Variants in MOB3A observed in about 807,000 individuals in gnomAD.
The protein encoded by MOB3A is MOB LAK.
In MOB3A, 17 loss-of-function variants were observed where a neutral mutation model predicts 17.8. The ratio of observed to expected loss-of-function variants is 0.95; its 90% CI spans 0.65 to 1.43. MOB3A has a LOEUF of 1.43. Ranked by LOEUF, MOB3A falls within the 40% of genes most tolerant of loss-of-function variation. The pLI, the probability that MOB3A is intolerant of heterozygous loss-of-function variation, is 0.00. For synonymous variants in MOB3A, 124 were observed against 133.2 expected (o/e 0.93, Z 0.48); for missense variants, 333 against 310.8 (o/e 1.07, Z -0.54).
At chr19:2,077,314 AT>A (rs2145719970) in intron 3 of MOB3A, among the ~76,000 whole-genome samples, 1 of 152,160 alleles carries the variant, frequency 6.6e-6, no homozygotes, top group South Asian at 2.1e-4. Context: ...AGGCAGAAGA[AT>A]CGCTTGAACC....
At chr19:2,077,125 G>A (rs373381997) in intron 3 of MOB3A, 112 bp from the exon 4 acceptor site, 1 of 936,960 alleles carries the variant, frequency 1.1e-6, no homozygotes. Context: ...GGCAGATCGG[G>A]CGCGGTGGCT....
chr19:2,074,027 T>C (rs1408719410), intron 4 of MOB3A, among the ~76,000 whole-genome samples: 1 of 151,062 alleles, frequency 6.6e-6, no homozygotes, highest in East Asian at 2.0e-4. Context: ...CGAGACTCTG[T>C]CTCAAAAAAG....
In MOB3A at chr19:2,073,404, C is replaced by T. The variant is rs2017364157; in HGVS notation, c.645G>A (p.Met215Ile). The T allele has an allele frequency of 3.1e-6, 5 of 1,613,644 alleles. No individual in the cohort carries two copies. The South Asian group carries it at 4.4e-5, about 14-fold the overall frequency. The change falls in exon 5 of 5, where the codon ATG becomes ATA. Residue 215 changes from methionine (M) to isoleucine (I), a missense_variant. Transcript: ENST00000357066. Reference sequence around the variant, plus strand: ...GAGACCCGCGGGGCTCTCAGTGGCACATCCGGGCGGTCATTTCTTTCTGTA... The same window carrying T: ...GAGACCCGCGGGGCTCTCAGTGGCATATCCGGGCGGTCATTTCTTTCTGTA... ...LEPLKEMTAR[M>I]CH
rs2017448583 is a variant in MOB3A at position 2,078,622 on chromosome 19, G to A, written c.-62C>T. On this transcript the variant is annotated 5_prime_UTR_variant, in exon 3 of 5. Coordinates refer to ENST00000357066, the MANE Select transcript of MOB3A (RefSeq NM_130807.3). ...GGTCCTGGGCCAGCTGGCTGGGGGT[G>A]CTGACCAACCCGAGAGGCCACGAAA... is the stretch of plus-strand genomic sequence containing the variant. The A allele has an allele frequency of 6.7e-7, 1 of 1,495,350 alleles. No homozygotes were observed. The highest frequency in any genetic ancestry group is 8.9e-7 in the Non-Finnish European group (1 of 1,117,434). The allele number at this position is 1,495,350 out of a possible 1,614,324, so 92.6% of individuals were successfully genotyped here.
intron 1 of MOB3A, chr19:2,090,117 C>T (rs986146520): frequency 2.6e-5 from 4 of 152,322 alleles, no homozygotes; most frequent in Non-Finnish European, 5.9e-5. Flanking sequence ...CCCAGAGCTC[C>T]GCAGCTGCCA....
chr19:2,090,730 C>T (rs372009067), intron 1 of MOB3A, among the ~76,000 whole-genome samples: 7 of 152,084 alleles, frequency 4.6e-5, no homozygotes, highest in African/African-American at 1.7e-4. Flanking sequence ...GTGGCGCGAT[C>T]TCGTCTCACT....
At position 2,071,065 on chromosome 19, in the gene MOB3A, C is replaced by G. The variant is rs561046760; in HGVS notation, c.*2330G>C. The G allele has an allele frequency of 2.6e-5, 4 of 152,212 alleles. No individual in the cohort carries two copies. In the East Asian group the frequency reaches 7.7e-4, roughly 29 times the overall value. 9.4% of individuals were successfully genotyped at this position (152,212 alleles called of 1,614,324 possible). A position where few individuals can be genotyped will look rare whatever the true frequency, so the allele number is the denominator to read the frequency against. ...GACGTCTGCGTCTGTAGTTTTATTC[C>G]GTATCTGGCTGGGGGAGGGTGGTCT... On this transcript the variant is annotated 3_prime_UTR_variant, in exon 5 of 5. Coordinates refer to ENST00000357066, the MANE Select transcript of MOB3A (RefSeq NM_130807.3).
At chr19:2,087,258 T>C (rs529386873) in intron 1 of MOB3A, among the ~76,000 whole-genome samples, 22 of 152,344 alleles carry the variant, frequency 1.4e-4, no homozygotes, top group African/African-American at 5.3e-4. Context: ...CGTTTTAACC[T>C]TTTCAGTTAC....
intron 2 of MOB3A, among the ~76,000 whole-genome samples, chr19:2,079,550 GCCA>G (rs1461446314): frequency 2.0e-5 from 3 of 152,222 alleles, no homozygotes. Flanking sequence ...CAGGATGCTG[GCCA>G]CCGCCAGGAG....
intron 1 of MOB3A, among the ~76,000 whole-genome samples, chr19:2,087,140 G>A (rs912700542): frequency 6.6e-6 from 1 of 152,218 alleles, no homozygotes; most frequent in Admixed American, 6.5e-5. Flanking sequence ...AGCAAGGCCT[G>A]CCCAGGCCCC....
In MOB3A at chr19:2,082,365, G is replaced by A. The variant is rs2017499916; in HGVS notation, c.-120+2810C>T. The stretch of plus-strand genomic sequence containing the variant: ...CCCTCCCTGCCAGGAGCTCCCCCAA[G>A]TTATGACAACCACAGATGTGCCCAG... On this transcript the variant is annotated intron_variant, in intron 2 of 4. Transcript: ENST00000357066. This position sits in a 1 kb window ranked among gnomAD's most constrained non-coding sequence, Gnocchi z 4.1. 2.6e-5 allele frequency among the ~76,000 whole-genome samples: 4 copies of A among 152,204 alleles called. No homozygotes were observed. The highest frequency in any genetic ancestry group is 6.5e-5 in the Admixed American group (1 of 15,280).
chr19:2,081,496 G>A (rs1414445625), intron 2 of MOB3A, among the ~76,000 whole-genome samples: 2 of 152,134 alleles, frequency 1.3e-5, no homozygotes, highest in African/African-American at 2.4e-5. Flanking sequence ...GCTGAGGCAG[G>A]AGAATCGCTT....
At chr19:2,087,314 G>A (rs550836648) in intron 1 of MOB3A, among the ~76,000 whole-genome samples, 35 of 152,306 alleles carry the variant, frequency 2.3e-4, no homozygotes, top group African/African-American at 6.0e-4. Flanking sequence ...TTGGCGTTGC[G>A]CAAACACCAC....
Position 2,082,672 on chromosome 19 carries a change from G to A in MOB3A, c.-120+2503C>T, listed in dbSNP as rs139729114. Among the ~76,000 whole-genome samples, 25 of 152,250 alleles carry A rather than the reference G, an allele frequency of 1.6e-4. No homozygotes were observed. In the South Asian group the frequency reaches 3.7e-3, roughly 23 times the overall value. The stretch of plus-strand genomic sequence containing the variant: ...ACAAGCCTAGTGACACACGCTTCCC[G>A]GGCCAGCGCTGCTCCACCACGGGGC... On this transcript the variant is annotated intron_variant, in intron 2 of 4. Coordinates refer to ENST00000357066, the MANE Select transcript of MOB3A (RefSeq NM_130807.3). The surrounding 1 kb of genome is among the most constrained non-coding windows in gnomAD (Gnocchi z 4.1).
At chr19:2,090,745 C>A (rs1417360268) in intron 1 of MOB3A, among the ~76,000 whole-genome samples, 1 of 151,996 alleles carries the variant, frequency 6.6e-6, no homozygotes, top group East Asian at 1.9e-4. Flanking sequence ...CTCACTGCAA[C>A]CTCCGCCTAC....
chr19:2,076,758 A>G (rs2145719322), intron 4 of MOB3A, 53 bp downstream of exon 4: 2 of 1,576,636 alleles, frequency 1.3e-6, no homozygotes, highest in Non-Finnish European at 1.7e-6. Flanking sequence ...TTCCTCTGCC[A>G]CGGGCCACCA....
chr19:2,080,052 C>T (rs7256023), intron 2 of MOB3A, among the ~76,000 whole-genome samples: 11,626 of 152,294 alleles, frequency 0.076, 455 homozygotes, highest in Middle Eastern at 0.082. Flanking sequence ...ACGCTCACCA[C>T]GCAGGGCCTG....
At chr19:2,085,960 T>C (rs2017548521) in intron 1 of MOB3A, among the ~76,000 whole-genome samples, 1 of 85,892 alleles carries the variant, frequency 1.2e-5, no homozygotes, top group Non-Finnish European at 2.1e-5. Flanking sequence ...CAAGACTCTG[T>C]CTCAAAAAAA....
In MOB3A at chr19:2,078,615, T is replaced by C; in HGVS notation, c.-55A>G. The C allele has an allele frequency of 6.6e-7, 1 of 1,509,914 alleles. No homozygotes were observed. Among genetic ancestry groups the C allele is most frequent in the Admixed American group, 2.2e-5 (1 of 45,766 alleles). 93.5% of individuals were successfully genotyped at this position (1,509,914 alleles called of 1,614,324 possible). On this transcript the variant is annotated 5_prime_UTR_variant, in exon 3 of 5. Transcript: ENST00000357066. Reference sequence around the variant, plus strand: ...GTAGAGGGGTCCTGGGCCAGCTGGCTGGGGGTGCTGACCAACCCGAGAGGC... The same window carrying C: ...GTAGAGGGGTCCTGGGCCAGCTGGCCGGGGGTGCTGACCAACCCGAGAGGC...
Sources: allele counts gnomAD v4.1 joint callset (sites outside exome capture counted in the v4.1 genomes callset), GRCh38; gene constraint gnomAD v4.1.1; non-coding constraint Gnocchi (gnomAD v3.1); transcripts MANE v1.5; gene names NCBI Gene and HGNC (gene_info 2026-07-23, HGNC 2026-07-21).